The following ANKRD17 variants were observed in gnomAD, a reference collection of about 807,000 sequenced individuals.
ANKRD17 encodes ankyrin repeat domain-containing protein 17.
Under a neutral mutation model 229.7 loss-of-function variants are expected in ANKRD17, and 19 were observed. The observed-to-expected ratio is 0.08, with a 90% CI of 0.06 to 0.12. ANKRD17 has a LOEUF of 0.12. Ranked by LOEUF, ANKRD17 falls within the 10% of genes least tolerant of loss-of-function variation. The pLI is 1.00. For synonymous variants in ANKRD17, 1,112 were observed against 1,146.1 expected, an observed-to-expected ratio of 0.97 and a Z score of 0.60; for missense variants, 2,176 against 3,176.8, an observed-to-expected ratio of 0.68 and a Z score of 7.57.
At position 73,223,576 on chromosome 4, in the gene ANKRD17, T is replaced by A. The variant is rs190810063; in HGVS notation, c.393+34700A>T. 2.4e-3 allele frequency among the ~76,000 whole-genome samples: 371 copies of A among 152,348 alleles called. 4 individuals are homozygous for A. Among genetic ancestry groups the A allele is most frequent in the African/African-American group, 8.3e-3 (345 of 41,590 alleles). Reference sequence around the variant, plus strand: ...AATAATTATCCTAATGTAGATTTTTTAATAGTAAATTGGTTTTTATAAACT... The same window carrying A: ...AATAATTATCCTAATGTAGATTTTTAAATAGTAAATTGGTTTTTATAAACT... On this transcript the variant is annotated intron_variant, in intron 1 of 33. Coordinates refer to ENST00000358602, the MANE Select transcript of ANKRD17 (RefSeq NM_032217.5).
intron 1 of ANKRD17, among the ~76,000 whole-genome samples, chr4:73,179,518 A>ATATATTTTTTTTT (rs1192164276): frequency 3.9e-4 from 16 of 40,782 alleles, no homozygotes; most frequent in Non-Finnish European, 6.4e-4. Flanking sequence ...ATATATATAT[A>ATATATTTTTTTTT]TTTTTTTTTT....
intron 2 of ANKRD17, among the ~76,000 whole-genome samples, chr4:73,169,892 G>A (rs940317821): frequency 3.3e-5 from 5 of 152,192 alleles, no homozygotes; most frequent in Admixed American, 6.5e-5. Context: ...AGGCATAGCC[G>A]CAAGGAAATT....
At chr4:73,147,141 C>T in intron 9 of ANKRD17, 100 bp downstream of exon 9, 1 of 1,167,786 alleles carries the variant, frequency 8.6e-7, no homozygotes. Flanking sequence ...TTTAAACTCA[C>T]ACATTCAGTG....
At chr4:73,169,101 C>T (rs1307242418) in intron 2 of ANKRD17, 1 of 152,126 alleles carries the variant, frequency 6.6e-6, no homozygotes, top group African/African-American at 2.4e-5. Flanking sequence ...CTGCAAAGGA[C>T]ATGATTTTAT....
At position 73,100,470 on chromosome 4, in the gene ANKRD17, C is replaced by CAT. The variant is rs529331663; in HGVS notation, c.4573+1904_4573+1905dup. On this transcript the variant is annotated intron_variant, in intron 25 of 33. Transcript: ENST00000358602. ...CAGTTACTTGAATAAAAAAAAAAAA[C>CAT]ATATATATATATATCCTTTTCTCGG... 3.1e-3 allele frequency among the ~76,000 whole-genome samples: 469 copies of CAT among 149,086 alleles called. 4 individuals carry two copies. Among genetic ancestry groups the CAT allele is most frequent in the South Asian group, 0.024 (112 of 4,688 alleles).
chr4:73,244,172 C>A (rs1216710143), intron 1 of ANKRD17, among the ~76,000 whole-genome samples: 2 of 152,096 alleles, frequency 1.3e-5, no homozygotes, highest in Non-Finnish European at 2.9e-5. Context: ...ACTCATATGA[C>A]CTGATTGAAC....
chr4:73,148,430 A>T (rs1464298886), intron 8 of ANKRD17, among the ~76,000 whole-genome samples: 2 of 152,184 alleles, frequency 1.3e-5, no homozygotes, highest in African/African-American at 4.8e-5. Flanking sequence ...GGTTTCCCAT[A>T]CTGTTTTTTA....
intron 3 of ANKRD17, among the ~76,000 whole-genome samples, chr4:73,160,154 T>C (rs1732307674): frequency 6.6e-6 from 1 of 151,926 alleles, no homozygotes; most frequent in Non-Finnish European, 1.5e-5. Flanking sequence ...TGGTAACATG[T>C]ATTAATGATT....
chr4:73,192,388 TTTAAG>T (rs1737246061), intron 1 of ANKRD17, among the ~76,000 whole-genome samples: 2 of 152,078 alleles, frequency 1.3e-5, no homozygotes, highest in East Asian at 1.9e-4. Flanking sequence ...TATGTACCTA[TTTAAG>T]TTGACTTAAA....
intron 23 of ANKRD17, among the ~76,000 whole-genome samples, chr4:73,114,260 C>T (rs1269125932): frequency 1.3e-5 from 2 of 152,034 alleles, no homozygotes. Context: ...ATAATGTCAA[C>T]AAAGAAAACA....
At chr4:73,228,666 T>C (rs890718169) in intron 1 of ANKRD17, among the ~76,000 whole-genome samples, 1 of 152,214 alleles carries the variant, frequency 6.6e-6, no homozygotes, top group Non-Finnish European at 1.5e-5. Flanking sequence ...TACTCCATAA[T>C]TGTTTCAGAT....
chr4:73,233,103 G>A (rs941322224), intron 1 of ANKRD17, among the ~76,000 whole-genome samples: 13 of 152,046 alleles, frequency 8.6e-5, no homozygotes, highest in African/African-American at 2.9e-4. Context: ...GGCACAAGAC[G>A]AACCATAAGT....
intron 1 of ANKRD17, among the ~76,000 whole-genome samples, chr4:73,229,601 A>G (rs1742853133): frequency 6.6e-6 from 1 of 151,404 alleles, no homozygotes; most frequent in Non-Finnish European, 1.5e-5. Context: ...ACTTCAATTG[A>G]TTATTTAAAA....
At chr4:73,210,835 T>C (rs191137275) in intron 1 of ANKRD17, among the ~76,000 whole-genome samples, 12 of 152,148 alleles carry the variant, frequency 7.9e-5, no homozygotes, top group Admixed American at 3.3e-4. Flanking sequence ...TATGAAGCTA[T>C]GGACTATGCA....
chr4:73,217,627 G>A (rs1357315283), intron 1 of ANKRD17, among the ~76,000 whole-genome samples: 3 of 151,898 alleles, frequency 2.0e-5, no homozygotes, highest in Non-Finnish European at 4.4e-5. Flanking sequence ...CTCCCGAATT[G>A]CTGTGATTAC....
intron 1 of ANKRD17, among the ~76,000 whole-genome samples, chr4:73,238,385 A>G (rs926784172): frequency 1.3e-5 from 2 of 152,168 alleles, no homozygotes; most frequent in African/African-American, 4.8e-5. Flanking sequence ...TTACTGTAAG[A>G]GGTAATCTAC....
intron 1 of ANKRD17, among the ~76,000 whole-genome samples, chr4:73,238,195 G>T (rs538295060): frequency 6.6e-6 from 1 of 151,294 alleles, no homozygotes. Flanking sequence ...ATCCTTATAG[G>T]TCACAAATAT....
chr4:73,234,139 C>T (rs1388389958), intron 1 of ANKRD17, among the ~76,000 whole-genome samples: 1 of 152,062 alleles, frequency 6.6e-6, no homozygotes, highest in Non-Finnish European at 1.5e-5. Context: ...TTAATTTTCC[C>T]TCAAGTTTTT....
chr4:73,208,207 A>AC (rs1739772026), intron 1 of ANKRD17, among the ~76,000 whole-genome samples: 1 of 151,638 alleles, frequency 6.6e-6, no homozygotes, highest in African/African-American at 2.4e-5. Flanking sequence ...AAAAAAAAAA[A>AC]AAAAACTTGA....
Sources: allele counts gnomAD v4.1 joint callset (sites outside exome capture counted in the v4.1 genomes callset), GRCh38; gene constraint gnomAD v4.1.1; transcripts MANE v1.5; gene names NCBI Gene and HGNC (gene_info 2026-07-23, HGNC 2026-07-21).